Variants in DPP10 observed in about 807,000 individuals in gnomAD.
DPP10 encodes the protein inactive dipeptidyl peptidase 10.
In DPP10, 33 loss-of-function variants were observed where a neutral mutation model predicts 120.9. The ratio of observed to expected loss-of-function variants is 0.27; its 90% CI spans 0.21 to 0.37. The LOEUF (loss-of-function observed/expected upper bound fraction) is 0.37, where lower values mean the gene tolerates loss of function less well. Ranked by LOEUF, DPP10 falls within the 10% of genes least tolerant of loss-of-function variation. The pLI, the probability that DPP10 is intolerant of heterozygous loss-of-function variation, is 1.00. For missense variants in DPP10, 816 were observed against 942.8 expected, an observed-to-expected ratio of 0.87 and a Z score of 1.76; for synonymous variants, 337 against 326.1, an observed-to-expected ratio of 1.03 and a Z score of -0.36.
chr2:115,353,462 T>C (rs2064166775), intron 3 of DPP10, among the ~76,000 whole-genome samples: 1 of 152,180 alleles, frequency 6.6e-6, no homozygotes, highest in Non-Finnish European at 1.5e-5. Flanking sequence ...TGATCTCCTT[T>C]AGCAGATTAA....
At chr2:115,163,503 AG>A (rs2052595750) in intron 1 of DPP10, among the ~76,000 whole-genome samples, 1 of 152,234 alleles carries the variant, frequency 6.6e-6, no homozygotes, top group Non-Finnish European at 1.5e-5. Flanking sequence ...CTCTGAGATA[AG>A]TATGAAAATA....
chr2:114,533,141 T>C (rs1686184286), intron 1 of DPP10, among the ~76,000 whole-genome samples: 1 of 152,176 alleles, frequency 6.6e-6, no homozygotes, highest in South Asian at 2.1e-4. Flanking sequence ...TATCATGGCA[T>C]TGGGCATCTT....
intron 4 of DPP10, 77 bp from the exon 5 acceptor site, chr2:115,525,821 A>ATT (rs377482845): frequency 3.6e-6 from 4 of 1,100,640 alleles, no homozygotes; most frequent in African/African-American, 3.2e-5. Flanking sequence ...ATGAAAATTG[A>ATT]TTTTTTTTTA....
chr2:115,636,026 T>C (rs945425702), intron 5 of DPP10, among the ~76,000 whole-genome samples: 1 of 152,092 alleles, frequency 6.6e-6, no homozygotes, highest in African/African-American at 2.4e-5. Context: ...AGTGGCTAAG[T>C]TTGGCATTAC....
chr2:115,020,523 T>C (rs1347064171), intron 1 of DPP10, among the ~76,000 whole-genome samples: 4 of 152,046 alleles, frequency 2.6e-5, no homozygotes, highest in African/African-American at 7.2e-5. Context: ...CAATTACTAC[T>C]AGACCTAGGA....
intron 3 of DPP10, among the ~76,000 whole-genome samples, chr2:115,490,252 A>G (rs1440017690): frequency 6.6e-6 from 1 of 152,168 alleles, no homozygotes; most frequent in Non-Finnish European, 1.5e-5. Context: ...GGAAACTTAC[A>G]ATCATGGCAG....
chr2:114,606,706 T>C (rs1481819652), intron 1 of DPP10, among the ~76,000 whole-genome samples: 1 of 152,172 alleles, frequency 6.6e-6, no homozygotes, highest in Middle Eastern at 3.2e-3. Flanking sequence ...GGAAGCTTAG[T>C]ATCTCACATT....
In DPP10 at chr2:114,978,585, A is replaced by G. The variant is rs1252727162; in HGVS notation, c.61-330654A>G. On this transcript the variant is annotated intron_variant, in intron 1 of 25. Coordinates refer to ENST00000410059, the MANE Select transcript of DPP10 (RefSeq NM_020868.6). ...TACTCTTTGTTCTTTCCTCACAGAA[A>G]ATAACCACCTTGTCTCTTTCCCATT... 3.3e-5 allele frequency among the ~76,000 whole-genome samples: 5 copies of G among 152,268 alleles called. No individual in the cohort carries two copies. In the South Asian group the frequency reaches 1.0e-3, roughly 32 times the overall value.
intron 1 of DPP10, among the ~76,000 whole-genome samples, chr2:114,758,506 T>C (rs1395152319): frequency 1.3e-5 from 2 of 152,230 alleles, no homozygotes; most frequent in African/African-American, 4.8e-5. Context: ...AGTTATACAG[T>C]AATGGTGAAT....
At position 115,479,035 on chromosome 2, in the gene DPP10, T is replaced by C. The variant is rs76218865; in HGVS notation, c.272-20475T>C. 7.4e-3 allele frequency among the ~76,000 whole-genome samples: 1,130 copies of C among 152,308 alleles called. 38 individuals are homozygous for C. Among genetic ancestry groups the C allele is most frequent in the East Asian group, 0.069 (359 of 5,174 alleles). ...TTAAATGCAGAATTACTGTATGATC[T>C]ATAAATTATTCTTCTGGATAAATAC... On this transcript the variant is annotated intron_variant, in intron 3 of 25. Coordinates refer to ENST00000410059, the MANE Select transcript of DPP10 (RefSeq NM_020868.6).
intron 21 of DPP10, among the ~76,000 whole-genome samples, chr2:115,827,568 C>G (rs1225251249): frequency 4.0e-5 from 6 of 150,022 alleles, no homozygotes; most frequent in East Asian, 1.9e-4. Flanking sequence ...ATTTAAAAGT[C>G]AGTTATTTTT....
intron 1 of DPP10, among the ~76,000 whole-genome samples, chr2:115,106,604 C>T (rs1007804551): frequency 2.0e-5 from 3 of 151,796 alleles, no homozygotes; most frequent in Admixed American, 6.6e-5. Flanking sequence ...GGGACTACAG[C>T]GCATGCCACC....
At chr2:115,291,261 C>T (rs1232668753) in intron 1 of DPP10, among the ~76,000 whole-genome samples, 1 of 152,122 alleles carries the variant, frequency 6.6e-6, no homozygotes, top group Non-Finnish European at 1.5e-5. Context: ...GCCTTGACCT[C>T]CCAAAGTGCT....
At chr2:115,174,628 G>A (rs749790992) in intron 1 of DPP10, among the ~76,000 whole-genome samples, 6 of 152,026 alleles carry the variant, frequency 3.9e-5, no homozygotes, top group African/African-American at 1.4e-4. Context: ...ATCATATGTC[G>A]GCTGATTAGA....
intron 5 of DPP10, among the ~76,000 whole-genome samples, chr2:115,617,625 T>G (rs1338144701): frequency 2.0e-5 from 3 of 151,968 alleles, no homozygotes; most frequent in Non-Finnish European, 4.4e-5. Flanking sequence ...TTTTAGGACA[T>G]TAACATACTG....
chr2:115,237,265 T>G (rs2105533558), intron 1 of DPP10, among the ~76,000 whole-genome samples: 1 of 152,284 alleles, frequency 6.6e-6, no homozygotes, highest in East Asian at 1.9e-4. Flanking sequence ...TATCTGTTAT[T>G]GTGATCTGTG....
At chr2:115,813,368 C>A (rs1378589837) in intron 19 of DPP10, among the ~76,000 whole-genome samples, 3 of 152,150 alleles carry the variant, frequency 2.0e-5, no homozygotes, top group African/African-American at 4.8e-5. Context: ...GCCCTCTTTG[C>A]GCCTCTTCAT....
intron 1 of DPP10, among the ~76,000 whole-genome samples, chr2:114,731,085 A>G (rs1676866611): frequency 6.6e-6 from 1 of 151,884 alleles, no homozygotes; most frequent in Admixed American, 6.6e-5. Context: ...ACACTAATTC[A>G]TTCATCTCCA....
intron 7 of DPP10, among the ~76,000 whole-genome samples, chr2:115,721,854 C>T (rs765824348): frequency 8.5e-5 from 13 of 152,174 alleles, no homozygotes; most frequent in Non-Finnish European, 1.0e-4. Context: ...GAAACAGTCT[C>T]AATGTCCATC....
Sources: allele counts gnomAD v4.1 joint callset (sites outside exome capture counted in the v4.1 genomes callset), GRCh38; gene constraint gnomAD v4.1.1; transcripts MANE v1.5; gene names NCBI Gene and HGNC (gene_info 2026-07-23, HGNC 2026-07-21).